Variants in TMEM67 observed in about 807,000 individuals in gnomAD.
The protein encoded by TMEM67 is transmembrane protein 67, also known as meckelin.
A neutral mutation model predicts 136.6 loss-of-function variants in TMEM67; 124 were observed. The observed-to-expected ratio is 0.91, with a 90% CI of 0.78 to 1.05. TMEM67 has a LOEUF of 1.05. Ranked by LOEUF, TMEM67 falls within the 50% of genes least tolerant of loss-of-function variation. TMEM67 has a pLI of 0.00. For missense variants in TMEM67, 1,107 were observed against 1,178.4 expected, an observed-to-expected ratio of 0.94 and a Z score of 0.89; for synonymous variants, 364 against 390.5, an observed-to-expected ratio of 0.93 and a Z score of 0.80.
Position 93,766,050 on chromosome 8 carries a change from A to G in TMEM67, c.651+404A>G, listed in dbSNP as rs544755029. 3.3e-5 allele frequency among the ~76,000 whole-genome samples: 5 copies of G among 152,228 alleles called. 1 individual carries two copies. The South Asian group carries it at 1.0e-3, about 32-fold the overall frequency. ...AGTTGGACATAATAAAAATACCTTT[A>G]CCACAGTGCCTGTACATGGTAATCA... On this transcript the variant is annotated intron_variant, in intron 6 of 27. Coordinates refer to ENST00000453321, the MANE Select transcript of TMEM67 (RefSeq NM_153704.6).
In TMEM67 at chr8:93,799,679, C is replaced by G. The variant is rs757105976; in HGVS notation, c.2162C>G (p.Pro721Arg). The change falls in exon 21 of 28, where the codon CCT becomes CGT. Residue 721 changes from proline (P) to arginine (R), a missense_variant. Pro to Arg is a moderately radical substitution (Grantham distance 103). This residue lies in a region of TMEM67 where 925 missense variants were observed against 1,002.4 expected (regional missense o/e 0.92). Coordinates refer to ENST00000453321, the MANE Select transcript of TMEM67 (RefSeq NM_153704.6). Reference sequence around the variant, plus strand: ...TCTTCTAGTCTTTCTAGAAACCCACCTAGCTACATAGCTCCTTATAGCTGC... The same window carrying G: ...TCTTCTAGTCTTTCTAGAAACCCACGTAGCTACATAGCTCCTTATAGCTGC... Reference protein sequence around the residue: ...DSSSSLSRNPPSYIAPYSCIL... With the variant: ...DSSSSLSRNPRSYIAPYSCIL... 1.1e-5 allele frequency: 17 copies of G among 1,613,660 alleles called. No homozygotes were observed. In the Admixed American group the frequency reaches 2.8e-4, roughly 27 times the overall value.
At chr8:93,831,128 C>G in the TMEM67 span, among the ~76,000 whole-genome samples, 1 of 152,198 alleles carries the variant, frequency 6.6e-6, no homozygotes, top group Non-Finnish European at 1.5e-5. Flanking sequence ...AGAAAGCACC[C>G]AGCACTAAAA....
In TMEM67 at chr8:93,808,942, G is replaced by A; in HGVS notation, c.2542G>A (p.Glu848Lys). The change falls in exon 24 of 28, where the codon GAG becomes AAG. Residue 848 changes from glutamate (E) to lysine (K), a missense_variant. Around this residue, in one of 3 missense-constraint regions of TMEM67, gnomAD observed 925 missense variants for 1,002.4 expected, o/e 0.92. Coordinates refer to ENST00000453321, the MANE Select transcript of TMEM67 (RefSeq NM_153704.6). Reference protein sequence around the residue: ...QMRQHYDRIHETLIRKNGPAR... With the variant: ...QMRQHYDRIHKTLIRKNGPAR... Reference sequence around the variant, plus strand: ...GAGACAACATTATGACAGAATTCATGAGACACTAATAAGGGTTTGTATAAA... The same window carrying A: ...GAGACAACATTATGACAGAATTCATAAGACACTAATAAGGGTTTGTATAAA... 6.2e-7 allele frequency: 1 copy of A among 1,601,454 alleles called. No homozygotes were observed. Among genetic ancestry groups the A allele is most frequent in the Non-Finnish European group, 8.6e-7 (1 of 1,168,744 alleles).
At position 93,758,557 on chromosome 8, in the gene TMEM67, T is replaced by A. The variant is rs386834201; in HGVS notation, c.387T>A (p.Cys129Ter). The change falls in exon 3 of 28, where the codon TGT becomes TGA. Residue 129 changes from cysteine (C) to a stop codon, truncating the protein, a stop_gained. Coordinates refer to ENST00000453321, the MANE Select transcript of TMEM67 (RefSeq NM_153704.6). LOFTEE classifies it high-confidence loss of function. ...TAACTGCCGAAGGAAAATGTCACTG[T>A]CCCATTGGCCATATTTTAGGTAAGA... is the stretch of plus-strand genomic sequence containing the variant. ...SDLTAEGKCH[C>*]PIGHILVERD... The A allele has an allele frequency of 1.2e-6, 2 of 1,613,460 alleles. No homozygotes were observed. The highest frequency in any genetic ancestry group is 1.7e-6 in the Non-Finnish European group (2 of 1,179,498).
At chr8:93,765,540 G>A in intron 5 of TMEM67, 32 bp from the exon 6 acceptor site, 17 of 1,601,910 alleles carry the variant, frequency 1.1e-5, no homozygotes, top group Admixed American at 5.0e-5. Context: ...CTTTTCATAA[G>A]CTTCTATTTT....
At chr8:93,780,816 A>C in intron 8 of TMEM67, 58 bp from the exon 9 acceptor site, 1 of 1,591,754 alleles carries the variant, frequency 6.3e-7, no homozygotes, top group Admixed American at 1.7e-5. Flanking sequence ...ATATTCACAA[A>C]TACTAATAAT....
In TMEM67 at chr8:93,771,944, G is replaced by A. The variant is rs150678344; in HGVS notation, c.652-645G>A. ...ATATCACTTACGTGTGTGCCCAGAC[G>A]ATTTTCTCTGAATGGTGCTTCTTAG... On this transcript the variant is annotated intron_variant, in intron 6 of 27. Transcript: ENST00000453321. Among the ~76,000 whole-genome samples, 16 of 152,278 alleles carry A rather than the reference G, an allele frequency of 1.1e-4. No individual in the cohort carries two copies. In the East Asian group the frequency reaches 2.7e-3, roughly 26 times the overall value.
intron 26 of TMEM67, among the ~76,000 whole-genome samples, chr8:93,812,710 C>G (rs1250644750): frequency 6.6e-6 from 1 of 152,104 alleles, no homozygotes; most frequent in Non-Finnish European, 1.5e-5. Flanking sequence ...TATGGGTAGG[C>G]ACTCAGAAAG....
chr8:93,776,887 C>A (rs1475249678), intron 7 of TMEM67, among the ~76,000 whole-genome samples: 1 of 152,144 alleles, frequency 6.6e-6, no homozygotes, highest in African/African-American at 2.4e-5. Context: ...AGGGAGGATT[C>A]CCTCTTTTTC....
At chr8:93,780,027 C>T (rs1385102364) in intron 7 of TMEM67, among the ~76,000 whole-genome samples, 1 of 152,172 alleles carries the variant, frequency 6.6e-6, no homozygotes, top group Non-Finnish European at 1.5e-5. Flanking sequence ...CGGTGGGCTC[C>T]ACCCAGTTGG....
At chr8:93,776,447 C>T (rs1204866762) in intron 7 of TMEM67, among the ~76,000 whole-genome samples, 1 of 152,194 alleles carries the variant, frequency 6.6e-6, no homozygotes, top group Non-Finnish European at 1.5e-5. Flanking sequence ...AAAGGGAATG[C>T]TTCCAGTTTT....
chr8:93,826,188 G>A, the TMEM67 span, among the ~76,000 whole-genome samples: 1 of 124,924 alleles, frequency 8.0e-6, no homozygotes, highest in Non-Finnish European at 1.6e-5. Flanking sequence ...GGACTGCAGT[G>A]GCGCTATCTC....
chr8:93,755,475 T>A (rs1175381395), intron 1 of TMEM67, among the ~76,000 whole-genome samples: 2 of 152,230 alleles, frequency 1.3e-5, no homozygotes, highest in Non-Finnish European at 2.9e-5. Flanking sequence ...ACTAATTTTG[T>A]ACTCATACTA....
chr8:93,772,523 C>A, intron 6 of TMEM67, 66 bp from the exon 7 acceptor site: 1 of 1,110,114 alleles, frequency 9.0e-7, no homozygotes, highest in Non-Finnish European at 1.4e-6. Context: ...GAGACATTTC[C>A]CATTCAACAA....
At chr8:93,791,141 T>C in intron 14 of TMEM67, 122 bp from the exon 15 acceptor site, 1 of 663,864 alleles carries the variant, frequency 1.5e-6, no homozygotes, top group Admixed American at 2.6e-5. Flanking sequence ...ACTCTAGTAA[T>C]ATTGATAGTT....
At chr8:93,785,420 T>C (rs767587444) in intron 12 of TMEM67, 42 bp downstream of exon 12, 13 of 1,581,996 alleles carry the variant, frequency 8.2e-6, no homozygotes, top group Admixed American at 1.7e-5. Flanking sequence ...TGAGCAGAAA[T>C]CAACAAATAA....
chr8:93,826,893 A>C, the TMEM67 span, among the ~76,000 whole-genome samples: 1 of 152,150 alleles, frequency 6.6e-6, no homozygotes, highest in African/African-American at 2.4e-5. Flanking sequence ...GCAATGGTGC[A>C]ATCTCGGCTC....
At chr8:93,795,164 T>C in intron 16 of TMEM67, 1 of 562,892 alleles carries the variant, frequency 1.8e-6, no homozygotes, top group South Asian at 2.1e-5. Context: ...TTCAATTTTC[T>C]TAGATAGTGA....
intron 6 of TMEM67, among the ~76,000 whole-genome samples, chr8:93,770,384 A>G (rs982719149): frequency 4.6e-5 from 7 of 152,326 alleles, no homozygotes; most frequent in Middle Eastern, 3.4e-3. Flanking sequence ...AATTAACATA[A>G]TAGAATTAAC....
Sources: allele counts gnomAD v4.1 joint callset (sites outside exome capture counted in the v4.1 genomes callset), GRCh38; gene constraint gnomAD v4.1.1; regional missense constraint gnomAD v4.1.1; transcripts MANE v1.5; gene names NCBI Gene and HGNC (gene_info 2026-07-23, HGNC 2026-07-21).